The following ZMAT3 variants were observed in gnomAD, a reference collection of about 807,000 sequenced individuals.
ZMAT3 encodes zinc finger matrin-type 3.
In ZMAT3, 17 loss-of-function variants were observed where a neutral mutation model predicts 32.3. That is an observed-to-expected ratio of 0.53 (90% confidence interval 0.36 to 0.79). The LOEUF (loss-of-function observed/expected upper bound fraction) is 0.79, where lower values mean the gene tolerates loss of function less well. ZMAT3 is among the 30% of genes least tolerant of loss of function. ZMAT3 has a pLI of 0.00. For missense variants in ZMAT3, 329 were observed against 359.7 expected (o/e 0.91, Z 0.69); for synonymous variants, 120 against 133.1 (o/e 0.90, Z 0.68).
At chr3:179,054,168 G>A (rs1270406443) in intron 2 of ZMAT3, among the ~76,000 whole-genome samples, 2 of 152,202 alleles carry the variant, frequency 1.3e-5, no homozygotes, top group African/African-American at 4.8e-5. Context: ...CCAATGCAGA[G>A]CTGGGACAAT....
chr3:179,044,127 G>A (rs1447828486), intron 2 of ZMAT3, among the ~76,000 whole-genome samples: 1 of 152,218 alleles, frequency 6.6e-6, no homozygotes, highest in Non-Finnish European at 1.5e-5. Flanking sequence ...GTTGGTGGGA[G>A]TGTAAATTAG....
intron 2 of ZMAT3, among the ~76,000 whole-genome samples, chr3:179,047,358 G>A (rs1720295542): frequency 6.6e-6 from 1 of 152,238 alleles, no homozygotes. Flanking sequence ...CTGAAGAGCA[G>A]CCTCTGAGTC....
intron 2 of ZMAT3, among the ~76,000 whole-genome samples, chr3:179,062,560 C>G (rs1721202935): frequency 6.6e-6 from 1 of 152,132 alleles, no homozygotes; most frequent in Non-Finnish European, 1.5e-5. Context: ...TCACAGAGAG[C>G]TTCTGTCCTC....
intron 2 of ZMAT3, among the ~76,000 whole-genome samples, chr3:179,053,414 A>C (rs1203197410): frequency 1.3e-5 from 2 of 152,160 alleles, no homozygotes; most frequent in African/African-American, 4.8e-5. Flanking sequence ...CAAGCTTAGA[A>C]GAAATGATTA....
intron 2 of ZMAT3, among the ~76,000 whole-genome samples, chr3:179,036,274 T>C (rs948468788): frequency 2.0e-5 from 3 of 152,086 alleles, no homozygotes; most frequent in Admixed American, 6.5e-5. Context: ...GAAAATGAGA[T>C]TGACAAGGTC....
chr3:179,051,557 T>C (rs1380213215), intron 2 of ZMAT3, among the ~76,000 whole-genome samples: 1 of 152,202 alleles, frequency 6.6e-6, no homozygotes, highest in Non-Finnish European at 1.5e-5. Context: ...GAATCAGTGT[T>C]GTGAAAATGA....
intron 2 of ZMAT3, among the ~76,000 whole-genome samples, chr3:179,065,673 T>C (rs1035807668): frequency 6.6e-6 from 1 of 152,132 alleles, no homozygotes; most frequent in Non-Finnish European, 1.5e-5. Context: ...GTGCGGTAGG[T>C]CACTCACGCC....
chr3:179,030,860 C>A lies in ZMAT3; in HGVS notation c.390+20G>T. The A allele has an allele frequency of 6.2e-7, 1 of 1,604,992 alleles. No homozygotes were observed. The highest frequency in any genetic ancestry group is 8.5e-7 in the Non-Finnish European group (1 of 1,176,092). On this transcript the variant is annotated intron_variant, in intron 3 of 5. Coordinates refer to ENST00000311417, the MANE Select transcript of ZMAT3 (RefSeq NM_022470.4). ...CAGCTTCCACCCTAATGCTGCTTCA[C>A]CCTGACACACATGTCTCACCTGCGG... is the stretch of plus-strand genomic sequence containing the variant.
At position 179,017,973 on chromosome 3, in the gene ZMAT3, C is replaced by T. The variant is rs570291899; in HGVS notation, c.*7044G>A. On this transcript the variant is annotated 3_prime_UTR_variant, in exon 6 of 6. Transcript: ENST00000311417. ...GATACCACAGGTGAACACCAAGTAA[C>T]GCAGAGTTAACGTGAAATTCTTACA... 9.2e-5 allele frequency: 14 copies of T among 152,180 alleles called. 1 individual carries two copies. Among genetic ancestry groups the T allele is most frequent in the African/African-American group, 2.4e-4 (10 of 41,524 alleles). The allele number at this position is 152,180 out of a possible 1,614,324, so 9.4% of individuals were successfully genotyped here. A position where few individuals can be genotyped will look rare whatever the true frequency, so the allele number is the denominator to read the frequency against.
Position 179,024,824 on chromosome 3 carries a change from G to A in ZMAT3, c.*193C>T, listed in dbSNP as rs769996932. 1.4e-3 allele frequency: 833 copies of A among 585,862 alleles called. 3 individuals carry two copies. Among genetic ancestry groups the A allele is most frequent in the Non-Finnish European group, 2.0e-3 (655 of 328,404 alleles). The allele number at this position is 585,862 out of a possible 1,614,324, so 36.3% of individuals were successfully genotyped here. A position where few individuals can be genotyped will look rare whatever the true frequency, so the allele number is the denominator to read the frequency against. On this transcript the variant is annotated 3_prime_UTR_variant, in exon 6 of 6. Coordinates refer to ENST00000311417, the MANE Select transcript of ZMAT3 (RefSeq NM_022470.4). ...AAAAGCGTTATGACCTAAGAAGCAC[G>A]TTCTTCACACCCACCTCCCCCCGCC... is the stretch of plus-strand genomic sequence containing the variant.
chr3:179,071,089 T>A (rs573453156), intron 1 of ZMAT3, among the ~76,000 whole-genome samples: 103 of 151,264 alleles, frequency 6.8e-4, no homozygotes, highest in African/African-American at 1.1e-3. Flanking sequence ...TTAAAAAAAA[T>A]AATAATAATA....
intron 1 of ZMAT3, among the ~76,000 whole-genome samples, chr3:179,068,389 G>A (rs1284453758): frequency 6.6e-6 from 1 of 152,128 alleles, no homozygotes; most frequent in Non-Finnish European, 1.5e-5. Flanking sequence ...GCGAGTGCCT[G>A]TAATCCCAGC....
At chr3:179,026,535 T>A (rs1416712186) in intron 5 of ZMAT3, among the ~76,000 whole-genome samples, 2 of 151,918 alleles carry the variant, frequency 1.3e-5, no homozygotes, top group African/African-American at 4.8e-5. Flanking sequence ...TACAGGCGTA[T>A]GCCACCATGC....
intron 2 of ZMAT3, among the ~76,000 whole-genome samples, chr3:179,045,565 T>C (rs992645434): frequency 6.6e-6 from 1 of 152,048 alleles, no homozygotes; most frequent in Non-Finnish European, 1.5e-5. Flanking sequence ...TAATATAGGG[T>C]CTAAAAATAT....
chr3:179,032,194 G>T (rs911107511), intron 2 of ZMAT3, among the ~76,000 whole-genome samples: 5 of 151,618 alleles, frequency 3.3e-5, no homozygotes, highest in African/African-American at 4.8e-5. Flanking sequence ...GGTGGAGACG[G>T]GGTTTCGCCG....
chr3:179,064,641 T>C (rs541225261), intron 2 of ZMAT3, among the ~76,000 whole-genome samples: 98 of 152,268 alleles, frequency 6.4e-4, no homozygotes, highest in Non-Finnish European at 1.2e-3. Flanking sequence ...ATGCTGTCCA[T>C]GCTGGTCTTG....
chr3:179,024,834 C>G lies in ZMAT3; in HGVS notation c.*183G>C. 2 of 602,222 alleles carry G rather than the reference C, an allele frequency of 3.3e-6. No homozygotes were observed. Among genetic ancestry groups the G allele is most frequent in the Admixed American group, 5.5e-5 (2 of 36,072 alleles). 37.3% of individuals were successfully genotyped at this position (602,222 alleles called of 1,614,324 possible). On this transcript the variant is annotated 3_prime_UTR_variant, in exon 6 of 6. Coordinates refer to ENST00000311417, the MANE Select transcript of ZMAT3 (RefSeq NM_022470.4). ...TGACCTAAGAAGCACGTTCTTCACA[C>G]CCACCTCCCCCCGCCCCGCCCCCGG... is the stretch of plus-strand genomic sequence containing the variant.
Position 179,017,358 on chromosome 3 carries a change from T to C in ZMAT3, c.*7659A>G, listed in dbSNP as rs996407081. 2.0e-5 allele frequency: 3 copies of C among 152,154 alleles called. No homozygotes were observed. The highest frequency in any genetic ancestry group is 6.5e-5 in the Admixed American group (1 of 15,272). 9.4% of individuals were successfully genotyped at this position (152,154 alleles called of 1,614,324 possible). The stretch of plus-strand genomic sequence containing the variant: ...AAATGAGCCATCAACAAAAGCAGTA[T>C]AAATTTTAAATAAGTTTCAGATTTC... On this transcript the variant is annotated 3_prime_UTR_variant, in exon 6 of 6. Transcript: ENST00000311417.
At chr3:179,060,036 A>G (rs1162445276) in intron 2 of ZMAT3, among the ~76,000 whole-genome samples, 1 of 152,114 alleles carries the variant, frequency 6.6e-6, no homozygotes, top group East Asian at 1.9e-4. Context: ...GGGAGGGACA[A>G]TGATCGGGAT....
Sources: allele counts gnomAD v4.1 joint callset (sites outside exome capture counted in the v4.1 genomes callset), GRCh38; gene constraint gnomAD v4.1.1; transcripts MANE v1.5; gene names NCBI Gene and HGNC (gene_info 2026-07-23, HGNC 2026-07-21).